The following DGAT2L6 variants were observed in gnomAD, a reference collection of about 807,000 sequenced individuals.
DGAT2L6 encodes the protein diacylglycerol O-acyltransferase 2-like protein 6.
A neutral mutation model predicts 25.5 loss-of-function variants in DGAT2L6; 22 were observed. The ratio of observed to expected loss-of-function variants is 0.86; its 90% confidence interval spans 0.62 to 1.23. The LOEUF is 1.23. Among genes scored for constraint, DGAT2L6 ranks in the 50% most tolerant of loss-of-function variants. DGAT2L6 has a pLI of 0.00. For missense variants in DGAT2L6, 287 were observed against 253.2 expected (o/e 1.13, Z -0.91); for synonymous variants, 100 against 94.7 (o/e 1.06, Z -0.32).
chrX:70,198,300 C>G (rs758623063), intron 1 of DGAT2L6, among the ~76,000 whole-genome samples: 1 of 112,586 alleles, frequency 8.9e-6, no homozygotes, highest in South Asian at 3.6e-4. Context: ...CCTTCTGAAC[C>G]TTTGTGATAC....
intron 1 of DGAT2L6, among the ~76,000 whole-genome samples, chrX:70,197,316 C>T (rs1427331919): frequency 8.9e-6 from 1 of 111,733 alleles, no homozygotes; most frequent in Non-Finnish European, 1.9e-5. Context: ...CTTTTGTTAC[C>T]GTGCACGACA....
chrX:70,202,606 C>A (rs2085414714), intron 5 of DGAT2L6, among the ~76,000 whole-genome samples: 1 of 111,948 alleles, frequency 8.9e-6, no homozygotes, highest in Non-Finnish European at 1.9e-5. Flanking sequence ...AAGACAGACC[C>A]ATGCACATAT....
At chrX:70,180,874 A>G (rs1173410331) in intron 1 of DGAT2L6, among the ~76,000 whole-genome samples, 1 of 112,414 alleles carries the variant, frequency 8.9e-6, no homozygotes, top group Non-Finnish European at 1.9e-5. Flanking sequence ...ATCATGGGTC[A>G]GAATTTATTT....
intron 1 of DGAT2L6, among the ~76,000 whole-genome samples, chrX:70,198,377 T>C (rs1346787925): frequency 1.8e-5 from 2 of 111,854 alleles, no homozygotes; most frequent in African/African-American, 6.5e-5. Context: ...TTTTGTTTTT[T>C]TGGTTTTTTA....
rs377674091 is a variant in DGAT2L6 at position 70,205,141 on chromosome X, G to T, written c.*35G>T. ...CATTCCCCATTGATCAACCCCCAAAGCCATGAGGGATCCAAGTAGAGCCAC... is the reference window on the plus strand; with the variant it reads ...CATTCCCCATTGATCAACCCCCAAATCCATGAGGGATCCAAGTAGAGCCAC... On this transcript the variant is annotated 3_prime_UTR_variant, in exon 7 of 7. Transcript: ENST00000333026. 2.9e-4 allele frequency: 334 copies of T among 1,138,167 alleles called. No individual in the cohort carries two copies. The highest frequency in any genetic ancestry group is 3.8e-4 in the Non-Finnish European group (330 of 860,777). 93.8% of individuals were successfully genotyped at this position (1,138,167 alleles called of 1,213,427 possible).
At chrX:70,195,372 G>A (rs2085387692) in intron 1 of DGAT2L6, among the ~76,000 whole-genome samples, 1 of 110,934 alleles carries the variant, frequency 9.0e-6, no homozygotes, top group Non-Finnish European at 1.9e-5. Context: ...AGAAATATCT[G>A]CACCCCCATG....
At chrX:70,192,107 G>A (rs1431591686) in intron 1 of DGAT2L6, among the ~76,000 whole-genome samples, 5 of 111,209 alleles carry the variant, frequency 4.5e-5, no homozygotes, top group Non-Finnish European at 9.4e-5. Context: ...AAATTACCCA[G>A]GCATGGTGAT....
intron 1 of DGAT2L6, among the ~76,000 whole-genome samples, chrX:70,179,235 C>G (rs7060831): frequency 0.083 from 9,259 of 111,648 alleles, 358 homozygotes; most frequent in South Asian, 0.19. Flanking sequence ...TTAGCTATAT[C>G]GAGAGAAGAA....
chrX:70,185,306 G>C (rs907421352), intron 1 of DGAT2L6, among the ~76,000 whole-genome samples: 3 of 111,808 alleles, frequency 2.7e-5, no homozygotes, highest in Non-Finnish European at 5.6e-5. Flanking sequence ...ATTCAACTTT[G>C]AACCTTATCT....
chrX:70,179,693 G>A (rs2085337360), intron 1 of DGAT2L6, among the ~76,000 whole-genome samples: 2 of 104,636 alleles, frequency 1.9e-5, no homozygotes, highest in African/African-American at 3.5e-5. Context: ...TCAGCTTCCC[G>A]AGTAGCCGGG....
intron 1 of DGAT2L6, among the ~76,000 whole-genome samples, chrX:70,190,985 C>A (rs1183678068): frequency 1.8e-5 from 2 of 112,087 alleles, no homozygotes; most frequent in East Asian, 5.6e-4. Context: ...CGGGCCTGTC[C>A]TGCCTGCCCA....
chrX:70,195,464 TCACACA>T (rs1256082724), intron 1 of DGAT2L6, among the ~76,000 whole-genome samples: 2 of 103,613 alleles, frequency 1.9e-5, no homozygotes, highest in African/African-American at 7.1e-5. Flanking sequence ...AAAGAAAGTG[TCACACA>T]CACACACACA....
chrX:70,200,135 C>A (rs1266830702), intron 3 of DGAT2L6, 120 bp from the exon 4 acceptor site: 1 of 730,037 alleles, frequency 1.4e-6, no homozygotes, highest in Non-Finnish European at 2.0e-6. Context: ...TGATGACAAC[C>A]TAGTGAACAG....
intron 5 of DGAT2L6, among the ~76,000 whole-genome samples, chrX:70,203,886 AT>A (rs1271500728): frequency 1.8e-5 from 2 of 110,152 alleles, no homozygotes; most frequent in Non-Finnish European, 3.8e-5. Context: ...CACACTTAAT[AT>A]GGCTAAGCAG....
At chrX:70,182,717 G>C (rs1272980916) in intron 1 of DGAT2L6, among the ~76,000 whole-genome samples, 1 of 109,332 alleles carries the variant, frequency 9.1e-6, no homozygotes, top group African/African-American at 3.3e-5. Context: ...GCAGTGGCGC[G>C]ATCTCGGCTC....
At chrX:70,183,013 G>A (rs1033948980) in intron 1 of DGAT2L6, among the ~76,000 whole-genome samples, 1 of 109,859 alleles carries the variant, frequency 9.1e-6, no homozygotes, top group Non-Finnish European at 1.9e-5. Context: ...GGCTGGTCTC[G>A]AACTCCTGAC....
chrX:70,202,972 G>A (rs1218558706), intron 5 of DGAT2L6, among the ~76,000 whole-genome samples: 1 of 111,766 alleles, frequency 8.9e-6, no homozygotes, highest in African/African-American at 3.3e-5. Context: ...AGCTATACCG[G>A]CCTCTTTGCG....
intron 5 of DGAT2L6, among the ~76,000 whole-genome samples, chrX:70,203,278 A>T (rs2085417174): frequency 8.9e-6 from 1 of 112,443 alleles, no homozygotes; most frequent in African/African-American, 3.2e-5. Flanking sequence ...TTAAAAATCC[A>T]TTGTATTCAC....
At chrX:70,196,081 AT>A (rs2085390060) in intron 1 of DGAT2L6, among the ~76,000 whole-genome samples, 1 of 111,682 alleles carries the variant, frequency 9.0e-6, no homozygotes, top group African/African-American at 3.3e-5. Context: ...AATATACACC[AT>A]TTTTATTTGT....
Sources: allele counts gnomAD v4.1 joint callset (sites outside exome capture counted in the v4.1 genomes callset), GRCh38; gene constraint gnomAD v4.1.1; transcripts MANE v1.5; gene names NCBI Gene and HGNC (gene_info 2026-07-23, HGNC 2026-07-21).